ABL2: variants seen among roughly 807,000 people sequenced by gnomAD.
The protein encoded by ABL2 is ABL proto-oncogene 2, non-receptor tyrosine kinase.
A neutral mutation model predicts 107.7 loss-of-function variants in ABL2; 49 were observed. The ratio of observed to expected loss-of-function variants is 0.45; its 90% CI spans 0.36 to 0.58. The LOEUF (loss-of-function observed/expected upper bound fraction) is 0.58. Among genes scored for constraint, ABL2 ranks in the 20% least tolerant of loss-of-function variants. ABL2 has a pLI of 0.00. For missense variants in ABL2, 1,245 were observed against 1,457.0 expected (o/e 0.85, Z 2.37); for synonymous variants, 549 against 548.6 (o/e 1.00, Z -0.01).
intron 1 of ABL2, chr1:179,220,819 C>T (rs1456918389): frequency 6.4e-6 from 1 of 156,188 alleles, no homozygotes; most frequent in South Asian, 1.9e-4. Context: ...ACTTGCAGTT[C>T]GCAAGCTTCT....
At chr1:179,179,642 C>CA (rs1290887468) in intron 1 of ABL2, among the ~76,000 whole-genome samples, 8 of 151,886 alleles carry the variant, frequency 5.3e-5, no homozygotes, top group Admixed American at 5.2e-4. Context: ...TATCATAGAG[C>CA]AAGAGTGTCT....
intron 1 of ABL2, among the ~76,000 whole-genome samples, chr1:179,190,301 A>T (rs1660925550): frequency 6.6e-6 from 1 of 152,120 alleles, no homozygotes; most frequent in African/African-American, 2.4e-5. Flanking sequence ...AGAGTGGCTC[A>T]CGGAACTCAG....
At position 179,209,794 on chromosome 1, in the gene ABL2, AG is replaced by A. The variant is rs566342806; in HGVS notation, c.157+19446del. Among the ~76,000 whole-genome samples, 27 of 152,342 alleles carry A rather than the reference AG, an allele frequency of 1.8e-4. No homozygotes were observed. In the South Asian group the frequency reaches 1.9e-3, roughly 11 times the overall value. On this transcript the variant is annotated intron_variant, in intron 1 of 11. Transcript: ENST00000502732. The stretch of plus-strand genomic sequence containing the variant: ...AGAAAAACAAACCAGCAGGAGATTC[AG>A]AGAAATTCAGAGATTCAGAGAAATG...
At chr1:179,169,775 G>T (rs1176588842) in intron 1 of ABL2, among the ~76,000 whole-genome samples, 1 of 152,078 alleles carries the variant, frequency 6.6e-6, no homozygotes, top group Non-Finnish European at 1.5e-5. Context: ...CTGACACAAT[G>T]ACTCATGCTT....
intron 2 of ABL2, among the ~76,000 whole-genome samples, chr1:179,132,591 G>A (rs757815605): frequency 3.9e-5 from 6 of 152,048 alleles, no homozygotes; most frequent in Non-Finnish European, 8.8e-5. Context: ...AGGCTGGAGT[G>A]CAATGGCGTG....
chr1:179,101,114 G>C lies in ABL2; in HGVS notation c.*6604C>G, dbSNP rs1471707725. The C allele has an allele frequency of 1.3e-5, 3 of 230,766 alleles. No individual in the cohort carries two copies. The highest frequency in any genetic ancestry group is 6.6e-5 in the African/African-American group (3 of 45,208). 14.3% of individuals were successfully genotyped at this position (230,766 alleles called of 1,614,324 possible). A position where few individuals can be genotyped will look rare whatever the true frequency, so the allele number is the denominator to read the frequency against. The stretch of plus-strand genomic sequence containing the variant: ...GAGAAGCTCGTGTCTACCAGCTCTA[G>C]TTCAATAATCATGCAAAATCAACCC... On this transcript the variant is annotated 3_prime_UTR_variant, in exon 12 of 12. Coordinates refer to ENST00000502732, the MANE Select transcript of ABL2 (RefSeq NM_007314.4).
intron 1 of ABL2, among the ~76,000 whole-genome samples, chr1:179,222,312 C>T (rs1662915298): frequency 6.6e-6 from 1 of 152,202 alleles, no homozygotes; most frequent in South Asian, 2.1e-4. Flanking sequence ...TCACTGCAAC[C>T]TCCGCCTCCT....
At chr1:179,170,825 C>T (rs1481157030) in intron 1 of ABL2, among the ~76,000 whole-genome samples, 1 of 152,102 alleles carries the variant, frequency 6.6e-6, no homozygotes, top group African/African-American at 2.4e-5. Flanking sequence ...AAACTCCTGA[C>T]CTCAGGTGAT....
chr1:179,156,871 G>A (rs974553399), intron 1 of ABL2, among the ~76,000 whole-genome samples: 5 of 148,086 alleles, frequency 3.4e-5, no homozygotes, highest in African/African-American at 1.3e-4. Flanking sequence ...GAGTGAGTGA[G>A]AGTCTGTCTC....
chr1:179,103,077 G>A lies in ABL2; in HGVS notation c.*4641C>T. The stretch of plus-strand genomic sequence containing the variant: ...ATAGTGGATAAATGGAGAAGAGTAA[G>A]AGGACCTCATCCTTCTTGAGTCAAG... On this transcript the variant is annotated 3_prime_UTR_variant, in exon 12 of 12. Coordinates refer to ENST00000502732, the MANE Select transcript of ABL2 (RefSeq NM_007314.4). The A allele has an allele frequency of 4.5e-6, 1 of 221,996 alleles. No homozygotes were observed. 13.8% of individuals were successfully genotyped at this position (221,996 alleles called of 1,614,324 possible). A position where few individuals can be genotyped will look rare whatever the true frequency, so the allele number is the denominator to read the frequency against.
At chr1:179,110,959 A>T in intron 10 of ABL2, 2 of 1,376,246 alleles carry the variant, frequency 1.5e-6, no homozygotes, top group Non-Finnish European at 2.0e-6. Flanking sequence ...GCTTGCTAAA[A>T]TTTGATGTTA....
At position 179,108,496 on chromosome 1, in the gene ABL2, G is replaced by C; in HGVS notation, c.2771C>G (p.Pro924Arg). 1 of 1,614,180 alleles carries C rather than the reference G, an allele frequency of 6.2e-7. No individual in the cohort carries two copies. Among genetic ancestry groups the C allele is most frequent in the Non-Finnish European group, 8.5e-7 (1 of 1,180,034 alleles). Residue 924 changes from proline (P) to arginine (R), a missense_variant, in exon 12 of 12, where the codon CCA becomes CGA. Coordinates refer to ENST00000502732, the MANE Select transcript of ABL2 (RefSeq NM_007314.4). Reference sequence around the variant, plus strand: ...TGGCACTTTGTGGTTGTGAGTGGTTGGGAGGACGGGGGCAGCCTTGGCTGG... The same window carrying C: ...TGGCACTTTGTGGTTGTGAGTGGTTCGGAGGACGGGGGCAGCCTTGGCTGG... Reference protein sequence around the residue: ...PSPAKAAPVLPTTHNHKVPVL... With the variant: ...PSPAKAAPVLRTTHNHKVPVL...
intron 1 of ABL2, among the ~76,000 whole-genome samples, chr1:179,182,013 G>C (rs1480450610): frequency 1.4e-5 from 2 of 144,488 alleles, no homozygotes; most frequent in African/African-American, 5.2e-5. Context: ...GGCCAGGATG[G>C]TCTTGATCTC....
intron 5 of ABL2, among the ~76,000 whole-genome samples, chr1:179,120,991 G>C (rs1655138487): frequency 6.8e-6 from 1 of 147,276 alleles, no homozygotes; most frequent in Non-Finnish European, 1.5e-5. Flanking sequence ...TTCACACTCA[G>C]AATATGCTTA....
intron 1 of ABL2, among the ~76,000 whole-genome samples, chr1:179,210,264 G>A (rs1370368253): frequency 6.6e-6 from 1 of 152,138 alleles, no homozygotes; most frequent in Non-Finnish European, 1.5e-5. Flanking sequence ...CCAGCACTTT[G>A]AGAGGCTGAA....
At chr1:179,174,895 C>CAA (rs1161355678) in intron 1 of ABL2, among the ~76,000 whole-genome samples, 20 of 33,664 alleles carry the variant, frequency 5.9e-4, no homozygotes, top group South Asian at 2.0e-3. Flanking sequence ...GACTCTGTCT[C>CAA]AAAAAAAAAA....
chr1:179,210,117 C>T (rs1292090342), intron 1 of ABL2, among the ~76,000 whole-genome samples: 1 of 152,172 alleles, frequency 6.6e-6, no homozygotes, highest in Admixed American at 6.6e-5. Flanking sequence ...TCCCCCTCAG[C>T]CTCCTCAAGT....
intron 1 of ABL2, among the ~76,000 whole-genome samples, chr1:179,168,602 T>G (rs1659530272): frequency 6.6e-6 from 1 of 152,220 alleles, no homozygotes; most frequent in Admixed American, 6.5e-5. Flanking sequence ...GCAAAGCATG[T>G]GCAACAGAGT....
At position 179,150,613 on chromosome 1, in the gene ABL2, G is replaced by A. The variant is rs1251396123; in HGVS notation, c.158-17239C>T. ...GCAAAGAAAGTGGTCTCATGAGATG[G>A]AATCTATTCCTGGTAAAGATGCTGG... On this transcript the variant is annotated intron_variant, in intron 1 of 11. Transcript: ENST00000502732. Among the ~76,000 whole-genome samples the A allele has an allele frequency of 2.6e-5, 4 of 152,170 alleles. No homozygotes were observed. The East Asian group carries it at 7.7e-4, about 29-fold the overall frequency.
Sources: gnomAD v4.1 joint callset for allele counts (sites outside exome capture counted in the v4.1 genomes callset) on GRCh38, gnomAD v4.1.1 for gene constraint, MANE v1.5 for transcripts, NCBI Gene and HGNC (gene_info 2026-07-23, HGNC 2026-07-21) for gene names.